Variants in EPGN observed in about 807,000 individuals in gnomAD.
EPGN encodes the protein epigen.
In EPGN, 21 loss-of-function variants were observed where a neutral mutation model predicts 20.7. The ratio of observed to expected loss-of-function variants is 1.01; its 90% CI spans 0.72 to 1.46. EPGN has a LOEUF of 1.46. Ranked by LOEUF, EPGN falls within the 40% of genes most tolerant of loss-of-function variation. The pLI is 0.00. For missense variants in EPGN, 199 were observed against 180.7 expected (o/e 1.10, Z -0.58); for synonymous variants, 69 against 63.8 (o/e 1.08, Z -0.39).
chr4:74,311,206 CTTAG>C (rs1239100511), intron 2 of EPGN, among the ~76,000 whole-genome samples: 1 of 151,922 alleles, frequency 6.6e-6, no homozygotes, highest in East Asian at 1.9e-4. Context: ...TAGTTTCAGG[CTTAG>C]TTAATCGAAC....
rs1578793869 is a variant in EPGN at position 74,315,518 on chromosome 4, T to C, written c.*881T>C. 6.6e-6 allele frequency among the ~76,000 whole-genome samples: 1 copy of C among 152,030 alleles called. No homozygotes were observed. Among genetic ancestry groups the C allele is most frequent in the East Asian group, 1.9e-4 (1 of 5,176 alleles). ...TAAAAGTCTACAATTGGCCCTAAAA[T>C]AGAAACTGAAAAACAGGACATAGAA... On this transcript the variant is annotated 3_prime_UTR_variant, in exon 5 of 5. Coordinates refer to ENST00000413830, the MANE Select transcript of EPGN (RefSeq NM_001270989.2).
chr4:74,314,899 G>A lies in EPGN; in HGVS notation c.*262G>A, dbSNP rs1354018343. ...CACTCTGGGTTTTTTGTTGTTGTGTGGTTATTATTCTCACTACAGAAAGAC... is the reference window on the plus strand; with the variant it reads ...CACTCTGGGTTTTTTGTTGTTGTGTAGTTATTATTCTCACTACAGAAAGAC... On this transcript the variant is annotated 3_prime_UTR_variant, in exon 5 of 5. Coordinates refer to ENST00000413830, the MANE Select transcript of EPGN (RefSeq NM_001270989.2). The A allele has an allele frequency of 2.0e-6, 1 of 488,462 alleles. No homozygotes were observed. The highest frequency in any genetic ancestry group is 3.6e-6 in the Non-Finnish European group (1 of 274,256). The allele number at this position is 488,462 out of a possible 1,614,324, so 30.3% of individuals were successfully genotyped here.
rs779037480 is a variant in EPGN, at chr4:74,309,109, C to G, written c.60C>G (p.Thr20=). The G allele has an allele frequency of 6.2e-7, 1 of 1,613,082 alleles. No individual in the cohort carries two copies. Among genetic ancestry groups the G allele is most frequent in the East Asian group, 2.2e-5 (1 of 44,814 alleles). Residue 20 remains threonine, a synonymous_variant, in exon 2 of 5, where the codon ACC becomes ACG. Transcript: ENST00000413830. ...TTAATACAGCAATGACAGCACTGAC[C>G]GAAGAGGCAGCCGTGACTGTAACAC... ...YLLFNAMTAL[T]EEAAVTVTPP...
intron 1 of EPGN, among the ~76,000 whole-genome samples, 161 bp downstream of exon 1, chr4:74,308,737 A>G (rs1019174955): frequency 1.3e-5 from 2 of 152,186 alleles, no homozygotes; most frequent in African/African-American, 4.8e-5. Context: ...TATGTCCTGT[A>G]TGTTCCTTTC....
In EPGN at chr4:74,314,739, C is replaced by T. The variant is rs369948508; in HGVS notation, c.*102C>T. 63 of 1,030,250 alleles carry T rather than the reference C, an allele frequency of 6.1e-5. No homozygotes were observed. The highest frequency in any genetic ancestry group is 7.3e-5 in the Non-Finnish European group (52 of 709,016). 63.8% of individuals were successfully genotyped at this position (1,030,250 alleles called of 1,614,324 possible). A position where few individuals can be genotyped will look rare whatever the true frequency, so the allele number is the denominator to read the frequency against. On this transcript the variant is annotated 3_prime_UTR_variant, in exon 5 of 5. Transcript: ENST00000413830. ...CAAAACTTGTCAAGCTGACTAGACT[C>T]GAAAATAATGAAAGTTGGGATCACA...
In EPGN at chr4:74,308,530, G is replaced by A; in HGVS notation, c.-4G>A. ...AGAGAAAGAAAGTTAAGCAACTACA[G>A]GAAATGGCTTTGGGAGTTCCAATAT... is the stretch of plus-strand genomic sequence containing the variant. On this transcript the variant is annotated 5_prime_UTR_variant, in exon 1 of 5. Coordinates refer to ENST00000413830, the MANE Select transcript of EPGN (RefSeq NM_001270989.2). 6.2e-7 allele frequency: 1 copy of A among 1,608,456 alleles called. No individual in the cohort carries two copies. Among genetic ancestry groups the A allele is most frequent in the Non-Finnish European group, 8.5e-7 (1 of 1,176,782 alleles).
chr4:74,313,621 C>T (rs1453122959), intron 4 of EPGN: 1 of 997,756 alleles, frequency 1.0e-6, no homozygotes, highest in Admixed American at 5.9e-5. Flanking sequence ...TTGGCCATTT[C>T]TTCCCAGACG....
At chr4:74,311,831 A>T (rs1259392098) in intron 2 of EPGN, among the ~76,000 whole-genome samples, 1 of 152,250 alleles carries the variant, frequency 6.6e-6, no homozygotes, top group Middle Eastern at 3.2e-3. Flanking sequence ...TATGTTAATT[A>T]GTATTCAGAC....
At position 74,312,247 on chromosome 4, in the gene EPGN, A is replaced by G. The variant is rs1751007684; in HGVS notation, c.196A>G (p.Ser66Gly). 1 of 1,613,536 alleles carries G rather than the reference A, an allele frequency of 6.2e-7. No homozygotes were observed. The highest frequency in any genetic ancestry group is 8.5e-7 in the Non-Finnish European group (1 of 1,179,650). ...FSHLCLEDHNSYCINGACAFH... is the reference protein window; with the variant it reads ...FSHLCLEDHNGYCINGACAFH... ...ACACCTTTGCCTGGAAGATCATAAC[A>G]GTTACTGCATCAACGGTGCTTGTGC... The change falls in exon 3 of 5, where the codon AGT becomes GGT. Residue 66 changes from serine to glycine, a missense_variant. Transcript: ENST00000413830.
chr4:74,309,210 C>G, intron 2 of EPGN, 28 bp downstream of exon 2: 1 of 1,591,448 alleles, frequency 6.3e-7, no homozygotes, highest in Admixed American at 1.7e-5. Context: ...TCATATTTCA[C>G]AAGACTTTTC....
chr4:74,312,857 A>G (rs2110354849), intron 3 of EPGN, among the ~76,000 whole-genome samples, 161 bp from the exon 4 acceptor site: 1 of 152,300 alleles, frequency 6.6e-6, no homozygotes, highest in South Asian at 2.1e-4. Flanking sequence ...TGGAAAATTC[A>G]TAGCTGCTTC....
intron 4 of EPGN, 54 bp downstream of exon 4, chr4:74,313,224 G>A (rs765708757): frequency 2.5e-6 from 4 of 1,568,904 alleles, no homozygotes; most frequent in Admixed American, 2.0e-5. Context: ...TTGACAAATA[G>A]TTATTCAGGC....
chr4:74,310,999 TG>T (rs1176704111), intron 2 of EPGN, among the ~76,000 whole-genome samples: 1 of 152,228 alleles, frequency 6.6e-6, no homozygotes, highest in Non-Finnish European at 1.5e-5. Context: ...ATATCATTTC[TG>T]TATTTTTCCT....
At chr4:74,308,647 A>T (rs1258443417) in intron 1 of EPGN, 71 bp downstream of exon 1, 1 of 1,339,096 alleles carries the variant, frequency 7.5e-7, no homozygotes, top group East Asian at 2.3e-5. Context: ...TTTTCTCTGC[A>T]TTAGAGAGAA....
In EPGN at chr4:74,308,531, G is replaced by C. The variant is rs867031720; in HGVS notation, c.-3G>C. 1 of 1,608,388 alleles carries C rather than the reference G, an allele frequency of 6.2e-7. No homozygotes were observed. Among genetic ancestry groups the C allele is most frequent in the Non-Finnish European group, 8.5e-7 (1 of 1,176,792 alleles). On this transcript the variant is annotated 5_prime_UTR_variant, in exon 1 of 5. Transcript: ENST00000413830. ...GAGAAAGAAAGTTAAGCAACTACAG[G>C]AAATGGCTTTGGGAGTTCCAATATC...
At chr4:74,314,407 C>A (rs1175544829) in intron 4 of EPGN, 173 bp from the exon 5 acceptor site, 18 of 642,846 alleles carry the variant, frequency 2.8e-5, no homozygotes, top group Non-Finnish European at 2.7e-5. Context: ...TGGGAGAAGA[C>A]TGCTGCCATG....
intron 4 of EPGN, chr4:74,314,157 A>G (rs2110357544): frequency 2.2e-6 from 1 of 459,118 alleles, no homozygotes; most frequent in Middle Eastern, 3.2e-4. Context: ...TAAGGAAAGC[A>G]GATGGAGCAC....
Position 74,314,669 on chromosome 4 carries a change from T to A in EPGN, c.*32T>A, listed in dbSNP as rs775846993. On this transcript the variant is annotated 3_prime_UTR_variant, in exon 5 of 5. Coordinates refer to ENST00000413830, the MANE Select transcript of EPGN (RefSeq NM_001270989.2). ...TGTGAAGAATTTTCATCAAGGCATC[T>A]GTAGAGATCAGTGAGCCCAAAATTA... The A allele has an allele frequency of 1.0e-5, 16 of 1,530,396 alleles. No individual in the cohort carries two copies. Among genetic ancestry groups the A allele is most frequent in the Non-Finnish European group, 1.3e-5 (15 of 1,142,692 alleles). 94.8% of individuals were successfully genotyped at this position (1,530,396 alleles called of 1,614,324 possible).
chr4:74,314,915 A>G lies in EPGN; in HGVS notation c.*278A>G, dbSNP rs1751200586. 9.3e-6 allele frequency: 4 copies of G among 432,428 alleles called. No individual in the cohort carries two copies. The highest frequency in any genetic ancestry group is 1.7e-5 in the Non-Finnish European group (4 of 242,362). The allele number at this position is 432,428 out of a possible 1,614,324, so 26.8% of individuals were successfully genotyped here. A position where few individuals can be genotyped will look rare whatever the true frequency, so the allele number is the denominator to read the frequency against. On this transcript the variant is annotated 3_prime_UTR_variant, in exon 5 of 5. Coordinates refer to ENST00000413830, the MANE Select transcript of EPGN (RefSeq NM_001270989.2). ...TTGTTGTGTGGTTATTATTCTCACT[A>G]CAGAAAGACTGAGTTTCATGCTCCT...
Sources: gnomAD v4.1 joint callset for allele counts (sites outside exome capture counted in the v4.1 genomes callset) on GRCh38, gnomAD v4.1.1 for gene constraint, MANE v1.5 for transcripts, NCBI Gene and HGNC (gene_info 2026-07-23, HGNC 2026-07-21) for gene names.